Variants in DIAPH3 observed in about 807,000 individuals in gnomAD.
DIAPH3 encodes protein diaphanous homolog 3.
A neutral mutation model predicts 144.3 loss-of-function variants in DIAPH3; 117 were observed. The observed-to-expected ratio is 0.81, with a 90% confidence interval of 0.70 to 0.95. DIAPH3 has a LOEUF of 0.95. DIAPH3 is among the 40% of genes least tolerant of loss of function. The pLI, the probability that DIAPH3 is intolerant of heterozygous loss-of-function variation, is 0.00. For missense variants in DIAPH3, 1,421 were observed against 1,412.7 expected, an observed-to-expected ratio of 1.01 and a Z score of -0.09; for synonymous variants, 519 against 488.9, an observed-to-expected ratio of 1.06 and a Z score of -0.81.
chr13:60,010,699 T>C, intron 7 of DIAPH3, 30 bp from the exon 8 acceptor site: 2 of 1,602,836 alleles, frequency 1.2e-6, no homozygotes, highest in East Asian at 2.2e-5. Context: ...AGAGGTCAAA[T>C]GTTAGAAATT....
rs539189257 is a variant in DIAPH3 at position 60,073,152 on chromosome 13, T to C, written c.495+20476A>G. On this transcript the variant is annotated intron_variant, in intron 4 of 27. Coordinates refer to ENST00000400324, the MANE Select transcript of DIAPH3 (RefSeq NM_001042517.2). ...GGCAAAACCCCATCTCTACTATAAA[T>C]ACAAAAATTAGCCGGGCGTGGTGGC... Among the ~76,000 whole-genome samples the C allele has an allele frequency of 1.2e-4, 19 of 152,022 alleles. No homozygotes were observed. In the South Asian group the frequency reaches 4.0e-3, roughly 32 times the overall value.
At chr13:59,978,474 A>T (rs1421173848) in intron 14 of DIAPH3, among the ~76,000 whole-genome samples, 2 of 151,742 alleles carry the variant, frequency 1.3e-5, no homozygotes, top group South Asian at 4.1e-4. Context: ...ACTAAAATTC[A>T]TAAGGAAAAA....
At chr13:60,126,650 A>C (rs1240418587) in intron 2 of DIAPH3, among the ~76,000 whole-genome samples, 1 of 152,180 alleles carries the variant, frequency 6.6e-6, no homozygotes, top group African/African-American at 2.4e-5. Flanking sequence ...GTTCTGGGAC[A>C]TAAAGTAAGA....
At position 59,911,805 on chromosome 13, in the gene DIAPH3, T is replaced by C; in HGVS notation, c.2297A>G (p.Gln766Arg). Residue 766 changes from glutamine (Q) to arginine (R), a missense_variant, in exon 20 of 28, where the codon CAA (glutamine) becomes CGA (arginine). Physicochemically the swap from Gln to Arg is conservative, Grantham distance 43 (BLOSUM62 1). Coordinates refer to ENST00000400324, the MANE Select transcript of DIAPH3 (RefSeq NM_001042517.2). ...NLIKHLPDQEQLNSLSQFKSE... is the reference protein window; with the variant it reads ...NLIKHLPDQERLNSLSQFKSE... ...CTTGAACTGAGACAATGAATTTAAT[T>C]GCTCTTGATCAGGAAGATGCTTTAT... The C allele has an allele frequency of 6.2e-7, 1 of 1,613,412 alleles. No individual in the cohort carries two copies. The highest frequency in any genetic ancestry group is 1.1e-5 in the South Asian group (1 of 91,046).
intron 4 of DIAPH3, among the ~76,000 whole-genome samples, chr13:60,084,431 T>C (rs2057682946): frequency 6.6e-6 from 1 of 152,012 alleles, no homozygotes; most frequent in South Asian, 2.1e-4. Context: ...TTCCCTCATG[T>C]GCAAAATTTA....
At chr13:60,084,774 T>A (rs1467585324) in intron 4 of DIAPH3, among the ~76,000 whole-genome samples, 1 of 152,042 alleles carries the variant, frequency 6.6e-6, no homozygotes, top group African/African-American at 2.4e-5. Context: ...ATAAAAGCAT[T>A]TGAAAAATTT....
At position 59,833,276 on chromosome 13, in the gene DIAPH3, A is replaced by G; in HGVS notation, c.2863-5T>C. Reference sequence around the variant, plus strand: ...TTTTGCACTGATAACAAATCTGTATACTATAGTTAAGGTATTCTGAAATTT... The same window carrying G: ...TTTTGCACTGATAACAAATCTGTATGCTATAGTTAAGGTATTCTGAAATTT... On this transcript the variant is annotated splice_region_variant and splice_polypyrimidine_tract_variant and intron_variant, in intron 23 of 27. Coordinates refer to ENST00000400324, the MANE Select transcript of DIAPH3 (RefSeq NM_001042517.2). 2 of 1,601,988 alleles carry G rather than the reference A, an allele frequency of 1.2e-6. No individual in the cohort carries two copies. Among genetic ancestry groups the G allele is most frequent in the Non-Finnish European group, 1.7e-6 (2 of 1,172,246 alleles).
chr13:59,672,557 T>C (rs576133588), intron 27 of DIAPH3, among the ~76,000 whole-genome samples: 13 of 152,198 alleles, frequency 8.5e-5, no homozygotes, highest in Non-Finnish European at 1.9e-4. Context: ...CACTCATAAA[T>C]ATAATTTTAA....
intron 25 of DIAPH3, among the ~76,000 whole-genome samples, chr13:59,784,764 C>T (rs1169277753): frequency 1.3e-5 from 2 of 152,064 alleles, no homozygotes; most frequent in Non-Finnish European, 2.9e-5. Context: ...AGCACAGTTT[C>T]CCCAAAGGTT....
chr13:59,903,205 G>A (rs2046544314), intron 20 of DIAPH3, among the ~76,000 whole-genome samples: 1 of 152,200 alleles, frequency 6.6e-6, no homozygotes, highest in Non-Finnish European at 1.5e-5. Flanking sequence ...TTTGTTAGGA[G>A]ACTGAACTCT....
At chr13:60,073,552 T>G (rs1349124604) in intron 4 of DIAPH3, among the ~76,000 whole-genome samples, 1 of 152,204 alleles carries the variant, frequency 6.6e-6, no homozygotes, top group Non-Finnish European at 1.5e-5. Flanking sequence ...ATCATACTTT[T>G]CATATATTTT....
chr13:59,958,099 C>A (rs937849747), intron 17 of DIAPH3, among the ~76,000 whole-genome samples: 1 of 152,088 alleles, frequency 6.6e-6, no homozygotes, highest in Admixed American at 6.5e-5. Flanking sequence ...AATGTCGCTG[C>A]AATAGATCTT....
chr13:60,063,920 C>A (rs1402698597), intron 4 of DIAPH3, among the ~76,000 whole-genome samples: 2 of 151,896 alleles, frequency 1.3e-5, no homozygotes. Context: ...TAAGAGCAAA[C>A]CCCCAACTCA....
chr13:60,114,124 T>C (rs1177268714), intron 2 of DIAPH3, among the ~76,000 whole-genome samples: 1 of 151,966 alleles, frequency 6.6e-6, no homozygotes, highest in African/African-American at 2.4e-5. Flanking sequence ...AGAGATTTCC[T>C]GAAGAAACAG....
intron 4 of DIAPH3, among the ~76,000 whole-genome samples, chr13:60,048,495 G>A (rs2056190426): frequency 6.6e-6 from 1 of 152,234 alleles, no homozygotes; most frequent in Non-Finnish European, 1.5e-5. Context: ...AACAACAAAT[G>A]AGGGAGTGCT....
At chr13:59,824,246 G>T (rs954242207) in intron 24 of DIAPH3, among the ~76,000 whole-genome samples, 1 of 152,076 alleles carries the variant, frequency 6.6e-6, no homozygotes, top group African/African-American at 2.4e-5. Context: ...ATTTGTACAT[G>T]GCTAACTTGT....
At chr13:59,901,056 A>G (rs2046399786) in intron 20 of DIAPH3, among the ~76,000 whole-genome samples, 1 of 152,210 alleles carries the variant, frequency 6.6e-6, no homozygotes, top group Non-Finnish European at 1.5e-5. Flanking sequence ...TAATTCACAC[A>G]TTAATAATGA....
At chr13:60,095,282 G>A (rs1353523973) in intron 3 of DIAPH3, among the ~76,000 whole-genome samples, 4 of 152,294 alleles carry the variant, frequency 2.6e-5, no homozygotes, top group African/African-American at 4.8e-5. Context: ...CAAGATGGTC[G>A]TGTTACACAG....
chr13:59,836,304 T>C (rs1048140951), intron 23 of DIAPH3, among the ~76,000 whole-genome samples: 1 of 151,838 alleles, frequency 6.6e-6, no homozygotes, highest in Non-Finnish European at 1.5e-5. Context: ...TTCTCACCGA[T>C]AAAAATTTAG....
Sources: gnomAD v4.1 joint callset for allele counts (sites outside exome capture counted in the v4.1 genomes callset) on GRCh38, gnomAD v4.1.1 for gene constraint, MANE v1.5 for transcripts, NCBI Gene and HGNC (gene_info 2026-07-23, HGNC 2026-07-21) for gene names.